SPATS2L: variants seen among roughly 807,000 people sequenced by gnomAD.
SPATS2L encodes the protein SPATS2-like protein.
SPATS2L carries 30 observed loss-of-function variants against 59.6 expected under a neutral mutation model. The observed-to-expected ratio is 0.50, with a 90% confidence interval of 0.38 to 0.68. The LOEUF is 0.68. SPATS2L is among the 30% of genes least tolerant of loss of function. SPATS2L has a pLI of 0.00. For missense variants in SPATS2L, 615 were observed against 700.0 expected (o/e 0.88, Z 1.37); for synonymous variants, 252 against 263.5 (o/e 0.96, Z 0.42).
intron 12 of SPATS2L, among the ~76,000 whole-genome samples, chr2:200,476,938 G>T (rs2087569422): frequency 1.3e-5 from 2 of 152,208 alleles, no homozygotes; most frequent in Non-Finnish European, 2.9e-5. Flanking sequence ...AATGGGGATG[G>T]AGTGGGAACG....
intron 2 of SPATS2L, among the ~76,000 whole-genome samples, chr2:200,363,666 A>G (rs920988914): frequency 6.6e-6 from 1 of 152,258 alleles, no homozygotes; most frequent in African/African-American, 2.4e-5. Context: ...CATTGAAAAT[A>G]TGTTTCATAG....
At chr2:200,309,852 T>A (rs1323890527) in intron 1 of SPATS2L, among the ~76,000 whole-genome samples, 2 of 152,244 alleles carry the variant, frequency 1.3e-5, no homozygotes, top group African/African-American at 2.4e-5. Context: ...GGAGTTGTGA[T>A]GCTTGTTATG....
intron 1 of SPATS2L, among the ~76,000 whole-genome samples, chr2:200,329,224 A>G (rs1335088048): frequency 1.3e-5 from 2 of 152,220 alleles, no homozygotes; most frequent in African/African-American, 2.4e-5. Context: ...TACTGTTATT[A>G]TCCCCATCTT....
At chr2:200,387,301 A>G (rs1402462096) in intron 2 of SPATS2L, among the ~76,000 whole-genome samples, 1 of 152,152 alleles carries the variant, frequency 6.6e-6, no homozygotes, top group African/African-American at 2.4e-5. Flanking sequence ...AGAACTTACC[A>G]TTTGGAGGGT....
intron 3 of SPATS2L, among the ~76,000 whole-genome samples, chr2:200,409,673 T>C (rs1021551247): frequency 3.3e-5 from 5 of 152,196 alleles, no homozygotes; most frequent in Non-Finnish European, 7.3e-5. Flanking sequence ...TTTTTTCCCC[T>C]TTTTCTGTAA....
chr2:200,433,148 T>A (rs2106071976), intron 6 of SPATS2L, among the ~76,000 whole-genome samples: 1 of 152,302 alleles, frequency 6.6e-6, no homozygotes, highest in East Asian at 1.9e-4. Flanking sequence ...CACCTCTAAA[T>A]GTATGTGCAT....
chr2:200,415,748 C>T (rs1022438414), intron 4 of SPATS2L, among the ~76,000 whole-genome samples: 17 of 151,824 alleles, frequency 1.1e-4, no homozygotes, highest in African/African-American at 2.9e-4. Flanking sequence ...GCAGTTCTAC[C>T]GATATATGTG....
intron 1 of SPATS2L, among the ~76,000 whole-genome samples, chr2:200,311,027 T>C (rs2079176513): frequency 6.6e-6 from 1 of 152,268 alleles, no homozygotes; most frequent in Non-Finnish European, 1.5e-5. Context: ...ATGTGCCTTT[T>C]ATTCTGTCTA....
intron 2 of SPATS2L, among the ~76,000 whole-genome samples, chr2:200,385,915 G>A (rs3769453): frequency 0.014 from 2,059 of 152,170 alleles, 38 homozygotes; most frequent in East Asian, 0.05. Flanking sequence ...GGATGGTCTC[G>A]ATCTCCTGAC....
At position 200,378,901 on chromosome 2, in the gene SPATS2L, A is replaced by G. The variant is rs190602130; in HGVS notation, c.-22-10322A>G. 3.3e-5 allele frequency among the ~76,000 whole-genome samples: 5 copies of G among 152,226 alleles called. No individual in the cohort carries two copies. The East Asian group carries it at 9.6e-4, about 29-fold the overall frequency. On this transcript the variant is annotated intron_variant, in intron 2 of 12. Transcript: ENST00000409140. ...GTGAATATGCAGTGTTGTCCTTATA[A>G]AGATCCCATTAAAAGTTTAAAAAGC...
intron 10 of SPATS2L, among the ~76,000 whole-genome samples, chr2:200,468,973 G>A (rs994193697): frequency 3.9e-5 from 6 of 152,230 alleles, no homozygotes; most frequent in African/African-American, 1.2e-4. Flanking sequence ...AGGCTTTGGA[G>A]TGAAACAGTC....
chr2:200,351,182 T>C (rs1250767700), intron 2 of SPATS2L: 1 of 468,100 alleles, frequency 2.1e-6, no homozygotes, highest in Non-Finnish European at 4.4e-6. Context: ...AGAAGTGCAT[T>C]TGTGTATTTC....
chr2:200,444,368 TG>T (rs34761823), intron 8 of SPATS2L, among the ~76,000 whole-genome samples: 1 of 152,132 alleles, frequency 6.6e-6, no homozygotes, highest in African/African-American at 2.4e-5. Context: ...CGCCATATGC[TG>T]GGGGGAAAAG....
rs1012506274 is a variant in SPATS2L, at chr2:200,315,127, C to T, written c.-73+8205C>T. 1.4e-4 allele frequency among the ~76,000 whole-genome samples: 21 copies of T among 152,308 alleles called. No homozygotes were observed. In the South Asian group the frequency reaches 3.1e-3, roughly 23 times the overall value. ...TCATTCCCAGGAGATGCATCCTGTA[C>T]GAGCCAAGCCCACGAGCTTTTTGAA... On this transcript the variant is annotated intron_variant, in intron 1 of 12. Coordinates refer to ENST00000409140, the MANE Select transcript of SPATS2L (RefSeq NM_001100423.2).
intron 2 of SPATS2L, among the ~76,000 whole-genome samples, chr2:200,356,665 CT>C (rs753136992): frequency 1.3e-5 from 2 of 152,120 alleles, no homozygotes; most frequent in African/African-American, 2.4e-5. Flanking sequence ...AAATAAAAAT[CT>C]GAGGATGGCT....
chr2:200,403,747 C>G (rs1161881953), intron 3 of SPATS2L, among the ~76,000 whole-genome samples: 1 of 152,108 alleles, frequency 6.6e-6, no homozygotes, highest in East Asian at 1.9e-4. Context: ...TTGAGAATTG[C>G]TGGGGAAAGC....
intron 8 of SPATS2L, among the ~76,000 whole-genome samples, chr2:200,445,293 G>A (rs1034461338): frequency 1.3e-4 from 20 of 152,168 alleles, no homozygotes; most frequent in Non-Finnish European, 2.5e-4. Context: ...AGCTTGGGCA[G>A]CAGAGTGAGA....
chr2:200,402,039 T>G (rs2082544774), intron 3 of SPATS2L, among the ~76,000 whole-genome samples: 1 of 152,202 alleles, frequency 6.6e-6, no homozygotes, highest in Non-Finnish European at 1.5e-5. Flanking sequence ...TGCCTTCATC[T>G]TCCCCATTCC....
intron 2 of SPATS2L, among the ~76,000 whole-genome samples, chr2:200,356,974 A>G (rs1047808717): frequency 2.0e-5 from 3 of 152,140 alleles, no homozygotes; most frequent in African/African-American, 7.2e-5. Flanking sequence ...ATCATGACCT[A>G]ATCACTCCCC....
Sources: gnomAD v4.1 joint callset for allele counts (sites outside exome capture counted in the v4.1 genomes callset) on GRCh38, gnomAD v4.1.1 for gene constraint, MANE v1.5 for transcripts, NCBI Gene and HGNC (gene_info 2026-07-23, HGNC 2026-07-21) for gene names.